DLG2: variants seen among roughly 807,000 people sequenced by gnomAD.
The protein encoded by DLG2 is discs large MAGUK scaffold protein 2.
In DLG2, 45 loss-of-function variants were observed where a neutral mutation model predicts 132.5. That is an observed-to-expected ratio of 0.34 (90% confidence interval 0.27 to 0.44). The LOEUF (loss-of-function observed/expected upper bound fraction) is 0.44. DLG2 is among the 20% of genes least tolerant of loss of function. The probability of loss-of-function intolerance (pLI) is 1.00; values close to 1 mark genes in which losing one functional copy is unlikely to be tolerated. For missense variants in DLG2, 1,045 were observed against 1,196.9 expected, an observed-to-expected ratio of 0.87 and a Z score of 1.87; for synonymous variants, 424 against 419.6, an observed-to-expected ratio of 1.01 and a Z score of -0.13.
intron 7 of DLG2, among the ~76,000 whole-genome samples, chr11:84,293,453 C>A (rs980439350): frequency 1.3e-4 from 20 of 152,138 alleles, no homozygotes; most frequent in Non-Finnish European, 2.4e-4. Context: ...GTGGATGGAT[C>A]ACCTGAGCTC....
At chr11:84,407,670 T>A (rs987411255) in intron 7 of DLG2, among the ~76,000 whole-genome samples, 1 of 152,172 alleles carries the variant, frequency 6.6e-6, no homozygotes, top group African/African-American at 2.4e-5. Context: ...CTTTAACATA[T>A]CTTATAGCAT....
chr11:84,549,346 C>T (rs764237571), intron 6 of DLG2, among the ~76,000 whole-genome samples: 3 of 152,192 alleles, frequency 2.0e-5, no homozygotes, highest in Non-Finnish European at 4.4e-5. Flanking sequence ...GAGCACTGTA[C>T]GATCTTGTGG....
chr11:83,842,138 C>A (rs962418294), intron 16 of DLG2, among the ~76,000 whole-genome samples: 6 of 152,088 alleles, frequency 3.9e-5, no homozygotes, highest in African/African-American at 1.2e-4. Flanking sequence ...GGAGAAATGC[C>A]AGCCTGACCT....
At chr11:84,815,060 T>C (rs530433412) in intron 6 of DLG2, among the ~76,000 whole-genome samples, 50 of 152,106 alleles carry the variant, frequency 3.3e-4, no homozygotes, top group African/African-American at 1.2e-3. Flanking sequence ...GAGGCAAAGG[T>C]GGAGAGCAAG....
intron 5 of DLG2, among the ~76,000 whole-genome samples, chr11:85,141,560 G>A (rs940513609): frequency 6.6e-6 from 1 of 151,684 alleles, no homozygotes; most frequent in Non-Finnish European, 1.5e-5. Flanking sequence ...TTAGCTTGAT[G>A]TAATGTCATT....
intron 18 of DLG2, among the ~76,000 whole-genome samples, chr11:83,765,271 C>A (rs1475020795): frequency 6.6e-6 from 1 of 152,128 alleles, no homozygotes; most frequent in African/African-American, 2.4e-5. Flanking sequence ...AAATTAACAT[C>A]TTGATGGGAT....
At chr11:84,061,150 G>T (rs2096584934) in intron 10 of DLG2, among the ~76,000 whole-genome samples, 1 of 152,106 alleles carries the variant, frequency 6.6e-6, no homozygotes, top group South Asian at 2.1e-4. Context: ...CAATGATTGG[G>T]CCCTCCATTT....
At chr11:83,600,033 T>C (rs368481916) in intron 19 of DLG2, among the ~76,000 whole-genome samples, 1 of 152,196 alleles carries the variant, frequency 6.6e-6, no homozygotes, top group Admixed American at 6.5e-5. Context: ...TCTGATGTGA[T>C]TGACATTTAT....
chr11:84,261,361 G>T (rs764530878), intron 7 of DLG2, among the ~76,000 whole-genome samples: 23 of 152,054 alleles, frequency 1.5e-4, no homozygotes, highest in Non-Finnish European at 2.5e-4. Context: ...ATCAGTTGCA[G>T]TCCTCAATCT....
intron 18 of DLG2, among the ~76,000 whole-genome samples, chr11:83,767,170 T>G (rs1279586558): frequency 6.6e-6 from 1 of 152,214 alleles, no homozygotes; most frequent in East Asian, 1.9e-4. Context: ...TTTTAGGTAT[T>G]GGGATATGGA....
chr11:83,466,600 T>C, intron 26 of DLG2, 108 bp downstream of exon 26: 1 of 599,162 alleles, frequency 1.7e-6, no homozygotes, highest in Non-Finnish European at 3.0e-6. Flanking sequence ...AAATCAACAA[T>C]GGCATTTCCC....
At chr11:84,504,776 T>C (rs2099233639) in intron 7 of DLG2, among the ~76,000 whole-genome samples, 1 of 152,106 alleles carries the variant, frequency 6.6e-6, no homozygotes, top group Non-Finnish European at 1.5e-5. Flanking sequence ...CAGTTTGACC[T>C]TTAGCTGATA....
At chr11:83,710,129 T>C (rs1325320295) in intron 18 of DLG2, among the ~76,000 whole-genome samples, 1 of 151,810 alleles carries the variant, frequency 6.6e-6, no homozygotes, top group South Asian at 2.1e-4. Flanking sequence ...ACATGTGAAA[T>C]GTGGATGGAA....
At chr11:85,146,227 C>CCTCTCTCTCTCT (rs35640163) in intron 5 of DLG2, among the ~76,000 whole-genome samples, 1,987 of 129,114 alleles carry the variant, frequency 0.015, 43 homozygotes, top group Non-Finnish European at 0.022. Flanking sequence ...TCTGTTTCTC[C>CCTCTCTCTCTCT]CTCTCTCTCT....
At chr11:85,418,954 G>A (rs1173924140) in intron 3 of DLG2, among the ~76,000 whole-genome samples, 2 of 152,124 alleles carry the variant, frequency 1.3e-5, no homozygotes, top group Non-Finnish European at 2.9e-5. Context: ...ATTATTATGT[G>A]TGAATTTGAT....
chr11:84,185,493 G>T (rs1009245666), intron 8 of DLG2, among the ~76,000 whole-genome samples: 1 of 152,098 alleles, frequency 6.6e-6, no homozygotes, highest in Non-Finnish European at 1.5e-5. Context: ...GGGTTTTCTA[G>T]ATATACAATC....
chr11:84,997,920 G>C (rs1447186171), intron 6 of DLG2, among the ~76,000 whole-genome samples: 1 of 152,172 alleles, frequency 6.6e-6, no homozygotes, highest in Non-Finnish European at 1.5e-5. Flanking sequence ...CAATCAGGCA[G>C]AAGTCCAAAT....
At chr11:85,512,117 C>T (rs1448978720) in intron 3 of DLG2, among the ~76,000 whole-genome samples, 4 of 151,940 alleles carry the variant, frequency 2.6e-5, no homozygotes, top group African/African-American at 9.7e-5. Context: ...TTTCCCCTGT[C>T]CATTGCCAAA....
chr11:85,016,579 T>C (rs1362818408), intron 6 of DLG2, among the ~76,000 whole-genome samples: 1 of 152,082 alleles, frequency 6.6e-6, no homozygotes, highest in African/African-American at 2.4e-5. Flanking sequence ...CTCTCTCAAC[T>C]CACACCTAGG....
Sources: allele counts gnomAD v4.1 joint callset (sites outside exome capture counted in the v4.1 genomes callset), GRCh38; gene constraint gnomAD v4.1.1; transcripts MANE v1.5; gene names NCBI Gene and HGNC (gene_info 2026-07-23, HGNC 2026-07-21).